Variants in RAD54L observed in about 807,000 individuals in gnomAD.
RAD54L encodes RAD54 like.
In RAD54L, 74 loss-of-function variants were observed where a neutral mutation model predicts 91.6. That is an observed-to-expected ratio of 0.81 (90% CI 0.67 to 0.98). RAD54L has a LOEUF of 0.98. Ranked by LOEUF, RAD54L falls within the 50% of genes least tolerant of loss-of-function variation. The pLI is 0.00. For synonymous variants in RAD54L, 304 were observed against 349.7 expected (o/e 0.87, Z 1.46); for missense variants, 887 against 945.7 (o/e 0.94, Z 0.81).
At chr1:46,262,566 C>T (rs1032688826) in intron 8 of RAD54L, among the ~76,000 whole-genome samples, 1 of 151,928 alleles carries the variant, frequency 6.6e-6, no homozygotes. Context: ...TCTGATTTTA[C>T]ATACAGTTAA....
At position 46,248,303 on chromosome 1, in the gene RAD54L, C is replaced by A; in HGVS notation, c.-103C>A. ...TTAGCCGGTCCTCTCAATAATGTAG[C>A]AGCCCCCTCTACAGATTAGACCCTG... On this transcript the variant is annotated 5_prime_UTR_variant, in exon 1 of 18. Transcript: ENST00000371975. The A allele has an allele frequency of 7.1e-7, 1 of 1,403,086 alleles. No individual in the cohort carries two copies. The highest frequency in any genetic ancestry group is 1.0e-6 in the Non-Finnish European group (1 of 999,836). 86.9% of individuals were successfully genotyped at this position (1,403,086 alleles called of 1,614,324 possible).
Position 46,267,565 on chromosome 1 carries a change from T to A in RAD54L, c.998T>A (p.Leu333His). 1 of 1,613,482 alleles carries A rather than the reference T, an allele frequency of 6.2e-7. No homozygotes were observed. The highest frequency in any genetic ancestry group is 1.1e-5 in the South Asian group (1 of 91,066). Residue 333 changes from leucine (L) to histidine (H), a missense_variant, in exon 9 of 18, where the codon CTT becomes CAT. Physicochemically the swap from Leu to His is moderately conservative, Grantham distance 99. Coordinates refer to ENST00000371975, the MANE Select transcript of RAD54L (RefSeq NM_003579.4). ...ISGTPIQNDL[L>H]EYFSLVHFVN... The stretch of plus-strand genomic sequence containing the variant: ...GGAACTCCCATCCAGAATGATCTGC[T>A]TGAGTATTTCAGCTTGGTACATTTT...
At position 46,278,053 on chromosome 1, in the gene RAD54L, C is replaced by A. The variant is rs2148308522; in HGVS notation, c.2034-19C>A. On this transcript the variant is annotated intron_variant, in intron 17 of 17. Coordinates refer to ENST00000371975, the MANE Select transcript of RAD54L (RefSeq NM_003579.4). ...GAGATGGGATCTGTAGTGACTTCAG[C>A]TGTGCCTTCTGTCCCTAGGTTGCAC... 1 of 1,614,110 alleles carries A rather than the reference C, an allele frequency of 6.2e-7. No individual in the cohort carries two copies. Among genetic ancestry groups the A allele is most frequent in the Non-Finnish European group, 8.5e-7 (1 of 1,179,954 alleles).
chr1:46,276,193 A>AT (rs1660595754), intron 16 of RAD54L, among the ~76,000 whole-genome samples: 1 of 152,080 alleles, frequency 6.6e-6, no homozygotes, highest in South Asian at 2.1e-4. Flanking sequence ...TAACTGATTG[A>AT]TTTTGAGACA....
At chr1:46,272,025 C>CTTTTTTTTTTTTTTTTTTTTTTTTTT (rs1162693010) in intron 10 of RAD54L, among the ~76,000 whole-genome samples, 1 of 41,168 alleles carries the variant, frequency 2.4e-5, no homozygotes, top group Non-Finnish European at 4.0e-5. Context: ...GGTCTGATGA[C>CTTTTTTTTTTTTTTTTTTTTTTTTTT]TTTTTTTTTT....
At chr1:46,250,683 A>C (rs888595070) in intron 3 of RAD54L, among the ~76,000 whole-genome samples, 3 of 152,110 alleles carry the variant, frequency 2.0e-5, no homozygotes, top group African/African-American at 4.8e-5. Context: ...ACATTTAAAA[A>C]CGGTTTTGTG....
Position 46,253,310 on chromosome 1 carries a change from T to G in RAD54L, c.210+3191T>G, listed in dbSNP as rs28363201. 1.4e-3 allele frequency among the ~76,000 whole-genome samples: 207 copies of G among 152,272 alleles called. 2 individuals are homozygous for G. The East Asian group carries it at 0.037, about 27-fold the overall frequency. ...TATTAATGCTTTACATCCCTACATT[T>G]ATATTAAGAATTCACACAAAAGGCC... On this transcript the variant is annotated intron_variant, in intron 3 of 17. Coordinates refer to ENST00000371975, the MANE Select transcript of RAD54L (RefSeq NM_003579.4).
At position 46,273,389 on chromosome 1, in the gene RAD54L, G is replaced by C. The variant is rs1346502725; in HGVS notation, c.1410G>C (p.Glu470Asp). 6.2e-7 allele frequency: 1 copy of C among 1,613,874 alleles called. No homozygotes were observed. The highest frequency in any genetic ancestry group is 8.5e-7 in the Non-Finnish European group (1 of 1,179,738). The change falls in exon 13 of 18, where the codon GAG (glutamate) becomes GAC (aspartate). Residue 470 changes from glutamate (E) to aspartate (D), a missense_variant. Physicochemically the swap from Glu to Asp is conservative, Grantham distance 45 (BLOSUM62 2). Coordinates refer to ENST00000371975, the MANE Select transcript of RAD54L (RefSeq NM_003579.4). ...TAATCTATGATAAGTGTGTGGAAGA[G>C]GAGGATGGCTTTGTGGGTGCCTTGG... ...PALIYDKCVE[E>D]EDGFVGALDL...
intron 9 of RAD54L, among the ~76,000 whole-genome samples, chr1:46,270,107 T>A (rs1660379005): frequency 6.6e-6 from 1 of 150,958 alleles, no homozygotes; most frequent in Admixed American, 6.6e-5. Context: ...CGGTGGCTCA[T>A]GCCTGTAATC....
In RAD54L at chr1:46,278,284, A is replaced by G; in HGVS notation, c.*2A>G. Reference sequence around the variant, plus strand: ...GAGGAGCAGCGGGGCCTCCGCTGATAACCAGCTGGTCTGGGTGTAGCTCTT... The same window carrying G: ...GAGGAGCAGCGGGGCCTCCGCTGATGACCAGCTGGTCTGGGTGTAGCTCTT... On this transcript the variant is annotated 3_prime_UTR_variant, in exon 18 of 18. Transcript: ENST00000371975. The G allele has an allele frequency of 6.2e-7, 1 of 1,610,286 alleles. No homozygotes were observed. The highest frequency in any genetic ancestry group is 2.2e-5 in the East Asian group (1 of 44,810).
chr1:46,248,766 A>G (rs1659720489), intron 2 of RAD54L, among the ~76,000 whole-genome samples, 168 bp downstream of exon 2: 1 of 152,166 alleles, frequency 6.6e-6, no homozygotes, highest in Admixed American at 6.5e-5. Context: ...GATTAGTAAA[A>G]TCTTTATCCT....
intron 8 of RAD54L, among the ~76,000 whole-genome samples, chr1:46,264,773 C>G (rs554899093): frequency 1.3e-5 from 2 of 152,198 alleles, no homozygotes; most frequent in African/African-American, 4.8e-5. Context: ...GATTCCAAGT[C>G]GTGGCTCTTT....
At position 46,277,931 on chromosome 1, in the gene RAD54L, A is replaced by AAGGAGCTGTTTATCCTGGATGAAGCT. The variant is rs1168417739; in HGVS notation, c.1987_2012dup (p.Ser671ArgfsTer94). On this transcript the variant is annotated frameshift_variant, in exon 17 of 18. Coordinates refer to ENST00000371975, the MANE Select transcript of RAD54L (RefSeq NM_003579.4). LOFTEE classifies it high-confidence loss of function. ...GCGCCACTTCTCTCTGGGCGAGTTG[A>AAGGAGCTGTTTATCCTGGATGAAGCT]AGGAGCTGTTTATCCTGGATGAAGC... The AAGGAGCTGTTTATCCTGGATGAAGCT allele has an allele frequency of 2.5e-6, 4 of 1,614,118 alleles. No individual in the cohort carries two copies. The highest frequency in any genetic ancestry group is 3.4e-6 in the Non-Finnish European group (4 of 1,180,034).
At chr1:46,249,740 A>G (rs772394447) in intron 2 of RAD54L, among the ~76,000 whole-genome samples, 1 of 152,156 alleles carries the variant, frequency 6.6e-6, no homozygotes, top group Non-Finnish European at 1.5e-5. Context: ...CTTGCTCTTC[A>G]GAGGCCCATT....
intron 8 of RAD54L, 156 bp downstream of exon 8, chr1:46,261,541 T>C (rs1195012935): frequency 9.9e-6 from 9 of 910,258 alleles, no homozygotes; most frequent in Non-Finnish European, 1.6e-5. Context: ...GATACCAAAA[T>C]ACAAGATACT....
intron 4 of RAD54L, 152 bp from the exon 5 acceptor site, chr1:46,259,812 T>A: frequency 1.0e-6 from 1 of 980,276 alleles, no homozygotes; most frequent in Non-Finnish European, 1.6e-6. Context: ...AATGGTCATA[T>A]AGAGATGCCC....
chr1:46,273,180 C>T (rs185235729), intron 12 of RAD54L, among the ~76,000 whole-genome samples, 175 bp from the exon 13 acceptor site: 171 of 152,330 alleles, frequency 1.1e-3, no homozygotes, highest in African/African-American at 4.0e-3. Context: ...GATTGTCCAT[C>T]CATCGTCCCA....
At chr1:46,256,564 TA>T (rs1659945304) in intron 3 of RAD54L, among the ~76,000 whole-genome samples, 2 of 150,926 alleles carry the variant, frequency 1.3e-5, no homozygotes, top group African/African-American at 4.9e-5. Flanking sequence ...AGCCAGGACT[TA>T]GAGACTGCAG....
chr1:46,261,249 T>G lies in RAD54L; in HGVS notation c.767-12T>G. 1.9e-6 allele frequency: 3 copies of G among 1,613,530 alleles called. No homozygotes were observed. Among genetic ancestry groups the G allele is most frequent in the Non-Finnish European group, 2.5e-6 (3 of 1,179,652 alleles). On this transcript the variant is annotated splice_polypyrimidine_tract_variant and intron_variant, in intron 7 of 17. Coordinates refer to ENST00000371975, the MANE Select transcript of RAD54L (RefSeq NM_003579.4). The stretch of plus-strand genomic sequence containing the variant: ...ATTCTGAATTGTTCCCTTTACACCT[T>G]TTCTGTTGTAGAAGGATTCATGAAC...
Sources: allele counts gnomAD v4.1 joint callset (sites outside exome capture counted in the v4.1 genomes callset), GRCh38; gene constraint gnomAD v4.1.1; transcripts MANE v1.5; gene names NCBI Gene and HGNC (gene_info 2026-07-23, HGNC 2026-07-21).